DLGAP1: variants seen among roughly 807,000 people sequenced by gnomAD.
The protein encoded by DLGAP1 is disks large-associated protein 1.
Under a neutral mutation model 90.8 loss-of-function variants are expected in DLGAP1, and 11 were observed. The observed-to-expected ratio is 0.12, with a 90% CI of 0.08 to 0.20. The LOEUF is 0.20. Among genes scored for constraint, DLGAP1 ranks in the 10% least tolerant of loss-of-function variants. DLGAP1 has a pLI of 1.00. For missense variants in DLGAP1, 1,050 were observed against 1,333.8 expected (o/e 0.79, Z 3.31); for synonymous variants, 558 against 540.7 (o/e 1.03, Z -0.44).
At chr18:4,341,348 T>G in intron 1 of DLGAP1, among the ~76,000 whole-genome samples, 1 of 152,160 alleles carries the variant, frequency 6.6e-6, no homozygotes, top group East Asian at 1.9e-4. Flanking sequence ...CTCTGAAGCC[T>G]TCCTAACACC....
At chr18:4,095,706 C>T (rs2075665666) in intron 2 of DLGAP1, among the ~76,000 whole-genome samples, 2 of 151,770 alleles carry the variant, frequency 1.3e-5, no homozygotes, top group African/African-American at 4.8e-5. Flanking sequence ...AATTTGACAT[C>T]AACCTTCAAC....
intron 1 of DLGAP1, among the ~76,000 whole-genome samples, chr18:4,291,133 T>A (rs61389206): frequency 0.012 from 1,780 of 152,304 alleles, 56 homozygotes; most frequent in African/African-American, 0.041. Flanking sequence ...AATATTTATA[T>A]TATGGGTGAT....
chr18:3,750,434 G>A lies in DLGAP1; in HGVS notation c.1173-7922C>T, dbSNP rs1032584177. ...GAACAGTGCTGCAATAAACATACAC[G>A]TGCATGTGTCCTTTTGGTAGAAGGA... On this transcript the variant is annotated intron_variant, in intron 5 of 12. Coordinates refer to ENST00000315677, the MANE Select transcript of DLGAP1 (RefSeq NM_004746.4). 3.9e-5 allele frequency among the ~76,000 whole-genome samples: 6 copies of A among 152,274 alleles called. No homozygotes were observed. The East Asian group carries it at 9.6e-4, about 24-fold the overall frequency.
In DLGAP1 at chr18:3,672,352, C is replaced by T. The variant is rs111739558; in HGVS notation, c.1591+56783G>A. Among the ~76,000 whole-genome samples the T allele has an allele frequency of 8.9e-3, 1,352 of 151,618 alleles. 23 individuals are homozygous for T. The highest frequency in any genetic ancestry group is 0.03 in the African/African-American group (1,252 of 41,312). ...CAGCACTTTGGGAGGCTGAGGAGGG[C>T]GGATCACCTGAGGTCAGGAGTTCGA... is the stretch of plus-strand genomic sequence containing the variant. On this transcript the variant is annotated intron_variant, in intron 7 of 12. Transcript: ENST00000315677.
chr18:3,898,015 C>A (rs112101587), intron 3 of DLGAP1, among the ~76,000 whole-genome samples: 65 of 151,942 alleles, frequency 4.3e-4, no homozygotes, highest in African/African-American at 1.3e-3. Context: ...AGGATGGTCT[C>A]GATCTCCTGA....
chr18:3,565,499 T>G lies in DLGAP1; in HGVS notation c.2057+1991A>C, dbSNP rs1274292791. Among the ~76,000 whole-genome samples the G allele has an allele frequency of 6.6e-6, 1 of 152,108 alleles. No individual in the cohort carries two copies. The highest frequency in any genetic ancestry group is 1.5e-5 in the Non-Finnish European group (1 of 68,022). On this transcript the variant is annotated intron_variant, in intron 9 of 12. Coordinates refer to ENST00000315677, the MANE Select transcript of DLGAP1 (RefSeq NM_004746.4). The surrounding 1 kb of genome is among the most constrained non-coding windows in gnomAD (Gnocchi z 4.0). ...ACTAAATGTATACTTTCAAAAATTT[T>G]TCTAAAACACTTAATAAAGAAACAT... is the stretch of plus-strand genomic sequence containing the variant.
chr18:3,582,353 G>A, intron 7 of DLGAP1, 105 bp from the exon 8 acceptor site: 1 of 1,492,574 alleles, frequency 6.7e-7, no homozygotes, highest in East Asian at 2.3e-5. Flanking sequence ...AACACACTGA[G>A]ACATTTAACA....
At chr18:3,876,018 T>A (rs1042239642) in intron 4 of DLGAP1, among the ~76,000 whole-genome samples, 9 of 134,030 alleles carry the variant, frequency 6.7e-5, no homozygotes, top group Admixed American at 2.9e-4. Context: ...ATTAAGGCAA[T>A]AGAGCTGAAA....
intron 7 of DLGAP1, among the ~76,000 whole-genome samples, chr18:3,646,793 T>A (rs112458758): frequency 5.9e-4 from 89 of 151,510 alleles, no homozygotes; most frequent in African/African-American, 2.1e-3. Context: ...GGCGTGGTGG[T>A]GGGCGCCTGT....
intron 1 of DLGAP1, among the ~76,000 whole-genome samples, chr18:4,288,624 G>A (rs573251179): frequency 6.6e-6 from 1 of 152,196 alleles, no homozygotes; most frequent in African/African-American, 2.4e-5. Context: ...GCTGTGCCAT[G>A]TTTTCATGTG....
chr18:3,951,656 C>T (rs2072987574), intron 3 of DLGAP1, among the ~76,000 whole-genome samples: 1 of 152,050 alleles, frequency 6.6e-6, no homozygotes, highest in South Asian at 2.1e-4. Flanking sequence ...ATTGTAATTC[C>T]TACGTGTTGG....
intron 1 of DLGAP1, among the ~76,000 whole-genome samples, chr18:4,184,187 CTTAA>C (rs1204175141): frequency 1.3e-5 from 2 of 152,104 alleles, no homozygotes; most frequent in Non-Finnish European, 2.9e-5. Flanking sequence ...TTTGCAAAGG[CTTAA>C]TTGCTTGTAT....
At chr18:3,911,136 C>G (rs982502763) in intron 3 of DLGAP1, among the ~76,000 whole-genome samples, 2 of 152,158 alleles carry the variant, frequency 1.3e-5, no homozygotes, top group African/African-American at 4.8e-5. Flanking sequence ...TGTGTTCTCC[C>G]TGAGGACAAA....
chr18:3,875,771 T>C (rs956871547), intron 4 of DLGAP1, among the ~76,000 whole-genome samples: 2 of 152,186 alleles, frequency 1.3e-5, no homozygotes, highest in Non-Finnish European at 2.9e-5. Flanking sequence ...CTGACACATG[T>C]AATTTACGAG....
intron 1 of DLGAP1, among the ~76,000 whole-genome samples, chr18:4,216,875 T>C (rs2077969647): frequency 6.6e-6 from 1 of 152,110 alleles, no homozygotes; most frequent in African/African-American, 2.4e-5. Flanking sequence ...CCAATATTAA[T>C]ATATTATTAT....
intron 3 of DLGAP1, among the ~76,000 whole-genome samples, chr18:3,968,362 C>T (rs913375076): frequency 6.6e-6 from 1 of 152,162 alleles, no homozygotes; most frequent in Non-Finnish European, 1.5e-5. Flanking sequence ...AGTAAAATTT[C>T]TAGCACTTGT....
intron 7 of DLGAP1, among the ~76,000 whole-genome samples, chr18:3,621,432 T>G (rs2058093408): frequency 6.6e-6 from 1 of 152,168 alleles, no homozygotes; most frequent in Non-Finnish European, 1.5e-5. Flanking sequence ...TTACATATTT[T>G]AAGTTCAGCC....
intron 5 of DLGAP1, among the ~76,000 whole-genome samples, chr18:3,752,620 C>G (rs955725229): frequency 1.4e-5 from 2 of 142,612 alleles, no homozygotes; most frequent in Non-Finnish European, 3.0e-5. Flanking sequence ...CTTTCTCCCT[C>G]TCCCCCTCCC....
At chr18:4,027,752 CA>C (rs2074727647) in intron 2 of DLGAP1, among the ~76,000 whole-genome samples, 1 of 151,960 alleles carries the variant, frequency 6.6e-6, no homozygotes, top group Non-Finnish European at 1.5e-5. Context: ...TTTGTTGTTG[CA>C]AAAACAGAGA....
Sources: gnomAD v4.1 joint callset for allele counts (sites outside exome capture counted in the v4.1 genomes callset) on GRCh38, gnomAD v4.1.1 for gene constraint, Gnocchi (gnomAD v3.1) non-coding constraint, MANE v1.5 for transcripts, NCBI Gene and HGNC (gene_info 2026-07-23, HGNC 2026-07-21) for gene names.